Variants in EEF1A1 observed in about 807,000 individuals in gnomAD.
The protein encoded by EEF1A1 is elongation factor 1-alpha 1.
EEF1A1 carries 1 observed loss-of-function variant against 38.5 expected under a neutral mutation model. The ratio of observed to expected loss-of-function variants is 0.03; its 90% CI spans 0.01 to 0.12. The LOEUF (loss-of-function observed/expected upper bound fraction) is 0.12. Among genes scored for constraint, EEF1A1 ranks in the 10% least tolerant of loss-of-function variants. EEF1A1 has a pLI of 1.00. For synonymous variants in EEF1A1, 229 were observed against 203.7 expected, an observed-to-expected ratio of 1.12 and a Z score of -1.06; for missense variants, 184 against 588.3, an observed-to-expected ratio of 0.31 and a Z score of 7.11.
intron 1 of EEF1A1, 142 bp downstream of exon 1, chr6:73,520,858 C>G (rs1022111292): frequency 6.6e-6 from 1 of 152,560 alleles, no homozygotes; most frequent in African/African-American, 2.4e-5. Context: ...CGCAAGGCCT[C>G]GAACTCTCCC....
Position 73,518,374 on chromosome 6 carries a change from C to T in EEF1A1, c.1009G>A (p.Ala337Thr). The change falls in exon 6 of 8, where the codon GCA becomes ACA. Residue 337 changes from alanine to threonine, a missense_variant. By Grantham distance (58) the Ala-to-Thr change is moderately conservative. Around this residue, in one of 3 missense-constraint regions of EEF1A1, gnomAD observed 81 missense variants for 286.3 expected, o/e 0.28. Transcript: ENST00000309268. ...GDSKNDPPMEAAGFTAQVIIL... is the reference protein window; with the variant it reads ...GDSKNDPPMETAGFTAQVIIL... Reference sequence around the variant, plus strand: ...GTTACCTGAGCAGTGAAGCCAGCTGCTTCCATTGGTGGGTCATTTTTGCTG... The same window carrying T: ...GTTACCTGAGCAGTGAAGCCAGCTGTTTCCATTGGTGGGTCATTTTTGCTG... 6.2e-7 allele frequency: 1 copy of T among 1,613,828 alleles called. No individual in the cohort carries two copies. Among genetic ancestry groups the T allele is most frequent in the Non-Finnish European group, 8.5e-7 (1 of 1,180,022 alleles).
chr6:73,519,211 C>T lies in EEF1A1; in HGVS notation c.342G>A (p.Leu114=), dbSNP rs1045329952. 7 of 1,603,252 alleles carry T rather than the reference C, an allele frequency of 4.4e-6. No homozygotes were observed. The African/African-American group carries it at 9.4e-5, about 21-fold the overall frequency. ...ATTCACCAACACCAGCAGCAACAAT[C>T]AGGACAGCACAGTCAGCCTTTAAAG... ...TGTSQADCAV[L]IVAAGVGEFE... The change falls in exon 4 of 8, where the codon CTG becomes CTA. Residue 114 remains leucine (L), a synonymous_variant. Coordinates refer to ENST00000309268, the MANE Select transcript of EEF1A1 (RefSeq NM_001402.6).
intron 2 of EEF1A1, 93 bp downstream of exon 2, chr6:73,519,790 C>A: frequency 6.4e-7 from 1 of 1,556,302 alleles, no homozygotes; most frequent in Non-Finnish European, 8.7e-7. Context: ...GCATTCAGAT[C>A]TAAACCACTC....
At chr6:73,520,109 C>G in intron 1 of EEF1A1, 53 bp from the exon 2 acceptor site, 1 of 1,509,722 alleles carries the variant, frequency 6.6e-7, no homozygotes, top group Non-Finnish European at 8.8e-7. Flanking sequence ...GAGAATGAAC[C>G]AAGATCCAAA....
chr6:73,517,318 T>C lies in EEF1A1; in HGVS notation c.*492A>G, dbSNP rs1765544653. The C allele has an allele frequency of 6.5e-6, 1 of 154,866 alleles. No homozygotes were observed. The highest frequency in any genetic ancestry group is 1.4e-5 in the Non-Finnish European group (1 of 69,876). 9.6% of individuals were successfully genotyped at this position (154,866 alleles called of 1,614,324 possible). Reference sequence around the variant, plus strand: ...CAACATGCTGCATTTCTCTCCAGTGTTGTAATCAAAGCAACCCTCCCATAG... The same window carrying C: ...CAACATGCTGCATTTCTCTCCAGTGCTGTAATCAAAGCAACCCTCCCATAG... On this transcript the variant is annotated 3_prime_UTR_variant, in exon 8 of 8. Coordinates refer to ENST00000309268, the MANE Select transcript of EEF1A1 (RefSeq NM_001402.6).
intron 1 of EEF1A1, chr6:73,520,698 G>A (rs896812320): frequency 6.6e-6 from 1 of 152,364 alleles, no homozygotes; most frequent in Non-Finnish European, 1.5e-5. Flanking sequence ...CAGAAAAAAA[G>A]CGTCGCAGCA....
chr6:73,519,286 C>CA (rs1278493936), intron 3 of EEF1A1, 51 bp downstream of exon 3: 4 of 1,606,336 alleles, frequency 2.5e-6, no homozygotes, highest in South Asian at 1.1e-5. Context: ...AACCAGTGTA[C>CA]AAAGCAAGCC....
rs995347460 is a variant in EEF1A1 at position 73,520,129 on chromosome 6, G to A, written c.-30-73C>T. On this transcript the variant is annotated intron_variant, in intron 1 of 7. Transcript: ENST00000309268. ...TGAACCAAGATCCAAACTCAAAAAG[G>A]GCAAATTCCAAGGAGAATTACATCA... 4.2e-6 allele frequency: 6 copies of A among 1,419,286 alleles called. No homozygotes were observed. The African/African-American group carries it at 8.6e-5, about 20-fold the overall frequency. The allele number at this position is 1,419,286 out of a possible 1,614,324, so 87.9% of individuals were successfully genotyped here. A position where few individuals can be genotyped will look rare whatever the true frequency, so the allele number is the denominator to read the frequency against.
Position 73,518,602 on chromosome 6 carries a change from T to C in EEF1A1, c.781A>G (p.Thr261Ala). 1 of 1,613,402 alleles carries C rather than the reference T, an allele frequency of 6.2e-7. No individual in the cohort carries two copies. The highest frequency in any genetic ancestry group is 1.3e-5 in the African/African-American group (1 of 74,990). The change falls in exon 6 of 8, where the codon ACT becomes GCT. Residue 261 changes from threonine (T) to alanine (A), a missense_variant. Physicochemically the swap from Thr to Ala is moderately conservative, Grantham distance 58. Transcript: ENST00000309268. Reference protein sequence around the residue: ...QDVYKIGGIGTVPVGRVETGV... With the variant: ...QDVYKIGGIGAVPVGRVETGV... ...GTCTCCACTCGGCCAACAGGAACAG[T>C]ACCAATACCTAAAAATATTTACAGC...
At chr6:73,520,280 G>A in intron 1 of EEF1A1, 1 of 426,972 alleles carries the variant, frequency 2.3e-6, no homozygotes, top group Non-Finnish European at 4.2e-6. Flanking sequence ...GAGGTGCCTG[G>A]ACGGCGCCCG....
At chr6:73,518,296 C>T (rs1224993267) in intron 6 of EEF1A1, 32 bp from the exon 7 acceptor site, 1 of 1,610,966 alleles carries the variant, frequency 6.2e-7, no homozygotes, top group Admixed American at 1.7e-5. Context: ...CAGTGCAAAT[C>T]CAAAGTCTCA....
At chr6:73,520,310 G>T (rs955822589) in intron 1 of EEF1A1, 8 of 330,076 alleles carry the variant, frequency 2.4e-5, no homozygotes, top group Middle Eastern at 1.7e-3. Flanking sequence ...GGAGTCACAT[G>T]AAGCGACGGC....
chr6:73,519,490 G>A lies in EEF1A1; in HGVS notation c.171C>T (p.Ala57=), dbSNP rs1479771881. 2 of 1,598,206 alleles carry A rather than the reference G, an allele frequency of 1.3e-6. No individual in the cohort carries two copies. The highest frequency in any genetic ancestry group is 2.2e-5 in the East Asian group (1 of 44,836). Reference sequence around the variant, plus strand: ...CAGCTTTCAGTTTATCCAAGACCCAGGCATACTTGAAGGAGCCCTTTCCCA... The same window carrying A: ...CAGCTTTCAGTTTATCCAAGACCCAAGCATACTTGAAGGAGCCCTTTCCCA... ...AEMGKGSFKY[A]WVLDKLKAER... Residue 57 remains alanine, a synonymous_variant, in exon 3 of 8, where the codon GCC becomes GCT. Transcript: ENST00000309268.
rs140448519 is a variant in EEF1A1 at position 73,516,143 on chromosome 6, T to G, written c.*1667A>C. The G allele has an allele frequency of 6.6e-6, 1 of 152,240 alleles. No individual in the cohort carries two copies. The highest frequency in any genetic ancestry group is 1.5e-5 in the Non-Finnish European group (1 of 68,044). The allele number at this position is 152,240 out of a possible 1,614,324, so 9.4% of individuals were successfully genotyped here. ...AGACTTGATACCTCAGAGCACTGGC[T>G]GATGGGAAGGCATTTTATCTAATTC... On this transcript the variant is annotated 3_prime_UTR_variant, in exon 8 of 8. Transcript: ENST00000309268.
chr6:73,517,473 T>C lies in EEF1A1; in HGVS notation c.*337A>G, dbSNP rs1275836256. On this transcript the variant is annotated 3_prime_UTR_variant, in exon 8 of 8. Coordinates refer to ENST00000309268, the MANE Select transcript of EEF1A1 (RefSeq NM_001402.6). Reference sequence around the variant, plus strand: ...ATTCGTAAAACCAGAATTAGATGTCTTTCACCTAAATGTCTCGGTGTTGAC... The same window carrying C: ...ATTCGTAAAACCAGAATTAGATGTCCTTCACCTAAATGTCTCGGTGTTGAC... 2 of 237,248 alleles carry C rather than the reference T, an allele frequency of 8.4e-6. No homozygotes were observed. Among genetic ancestry groups the C allele is most frequent in the African/African-American group, 2.3e-5 (1 of 44,032 alleles). 14.7% of individuals were successfully genotyped at this position (237,248 alleles called of 1,614,324 possible).
intron 1 of EEF1A1, 42 bp from the exon 2 acceptor site, chr6:73,520,098 T>C (rs1372046104): frequency 6.5e-7 from 1 of 1,536,280 alleles, no homozygotes; most frequent in East Asian, 2.2e-5. Context: ...GTCTGAGGCT[T>C]GAGAATGAAC....
In EEF1A1 at chr6:73,520,990, C is replaced by A. The variant is rs945967088; in HGVS notation, c.-31+10G>T. On this transcript the variant is annotated intron_variant, in intron 1 of 7. Transcript: ENST00000309268. Reference sequence around the variant, plus strand: ...AGGCCAGGCCCGCGGGAACCACACACGGCACTTACCTGTGTTCTGGCGGCA... The same window carrying A: ...AGGCCAGGCCCGCGGGAACCACACAAGGCACTTACCTGTGTTCTGGCGGCA... The A allele has an allele frequency of 1.3e-5, 2 of 153,180 alleles. No homozygotes were observed. Among genetic ancestry groups the A allele is most frequent in the Admixed American group, 6.5e-5 (1 of 15,290 alleles). 9.5% of individuals were successfully genotyped at this position (153,180 alleles called of 1,614,324 possible). A position where few individuals can be genotyped will look rare whatever the true frequency, so the allele number is the denominator to read the frequency against.
rs753793599 is a variant in EEF1A1 at position 73,519,935 on chromosome 6, C to G, written c.92G>C (p.Cys31Ser). Reference sequence around the variant, plus strand: ...AATGGTTCTTTTGTCGATGCCACCGCATTTATAGATCAGATGGCCAGTAGT... The same window carrying G: ...AATGGTTCTTTTGTCGATGCCACCGGATTTATAGATCAGATGGCCAGTAGT... Reference protein sequence around the residue: ...STTTGHLIYKCGGIDKRTIEK... With the variant: ...STTTGHLIYKSGGIDKRTIEK... Residue 31 changes from cysteine (C) to serine (S), a missense_variant, in exon 2 of 8, where the codon TGC becomes TCC. Physicochemically the swap from Cys to Ser is moderately radical, Grantham distance 112. Around this residue, in one of 3 missense-constraint regions of EEF1A1, gnomAD observed 57 missense variants for 228.1 expected, o/e 0.25. Coordinates refer to ENST00000309268, the MANE Select transcript of EEF1A1 (RefSeq NM_001402.6). 6.2e-7 allele frequency: 1 copy of G among 1,610,708 alleles called. No homozygotes were observed. The highest frequency in any genetic ancestry group is 8.5e-7 in the Non-Finnish European group (1 of 1,179,858).
In EEF1A1 at chr6:73,517,062, G is replaced by C. The variant is rs559888220; in HGVS notation, c.*748C>G. The C allele has an allele frequency of 4.0e-4, 61 of 152,272 alleles. No homozygotes were observed. The highest frequency in any genetic ancestry group is 1.4e-3 in the African/African-American group (59 of 41,538). The allele number at this position is 152,272 out of a possible 1,614,324, so 9.4% of individuals were successfully genotyped here. On this transcript the variant is annotated 3_prime_UTR_variant, in exon 8 of 8. Transcript: ENST00000309268. ...AAGCTTACTCCACTGACTTCAAAAT[G>C]GACCCTTCCACTCATAGGGTGTACA...
Sources: allele counts gnomAD v4.1 joint callset, GRCh38; gene constraint gnomAD v4.1.1; regional missense constraint gnomAD v4.1.1; transcripts MANE v1.5; gene names NCBI Gene and HGNC (gene_info 2026-07-23, HGNC 2026-07-21).